CLNK: variants seen among roughly 807,000 people sequenced by gnomAD.
CLNK encodes cytokine-dependent hematopoietic cell linker.
In CLNK, 74 loss-of-function variants were observed where a neutral mutation model predicts 68.6. The ratio of observed to expected loss-of-function variants is 1.08; its 90% confidence interval spans 0.89 to 1.31. The LOEUF (loss-of-function observed/expected upper bound fraction) is 1.31. Ranked by LOEUF, CLNK falls within the 50% of genes most tolerant of loss-of-function variation. CLNK has a pLI of 0.00. For synonymous variants in CLNK, 198 were observed against 172.2 expected (o/e 1.15, Z -1.17); for missense variants, 553 against 515.3 (o/e 1.07, Z -0.71).
At chr4:10,722,838 T>C in the CLNK span, among the ~76,000 whole-genome samples, 1 of 152,080 alleles carries the variant, frequency 6.6e-6, no homozygotes, top group Non-Finnish European at 1.5e-5. Flanking sequence ...TCACCTAAGG[T>C]CAGGAGTTCG....
At chr4:10,668,915 A>G (rs766786400) in intron 1 of CLNK, among the ~76,000 whole-genome samples, 9 of 152,178 alleles carry the variant, frequency 5.9e-5, no homozygotes, top group African/African-American at 9.7e-5. Context: ...TTTTATATCT[A>G]TCAGCTTCCC....
chr4:10,734,527 C>A, the CLNK span, among the ~76,000 whole-genome samples: 1 of 152,156 alleles, frequency 6.6e-6, no homozygotes, highest in African/African-American at 2.4e-5. Flanking sequence ...AACAGACTCA[C>A]CATTGAAGAC....
chr4:10,491,672 A>C (rs541485955), intron 18 of CLNK, among the ~76,000 whole-genome samples: 1 of 152,350 alleles, frequency 6.6e-6, no homozygotes, highest in Non-Finnish European at 1.5e-5. Flanking sequence ...GGGTCATTCC[A>C]GATAAGTAGA....
the CLNK span, among the ~76,000 whole-genome samples, chr4:10,702,406 C>T: frequency 1.3e-5 from 2 of 152,038 alleles, no homozygotes; most frequent in East Asian, 3.9e-4. Flanking sequence ...CACCTAAGAT[C>T]AAGCAGGGAG....
At chr4:10,531,142 G>T (rs1418940433) in intron 12 of CLNK, among the ~76,000 whole-genome samples, 1 of 152,176 alleles carries the variant, frequency 6.6e-6, no homozygotes. Flanking sequence ...ACAAAGACAA[G>T]AACAAAATTC....
the CLNK span, among the ~76,000 whole-genome samples, chr4:10,728,341 A>G: frequency 6.6e-6 from 1 of 152,026 alleles, no homozygotes; most frequent in Non-Finnish European, 1.5e-5. Context: ...CCATTGTTCT[A>G]TTGTGAAGAA....
chr4:10,552,758 G>A (rs943134038), intron 8 of CLNK, among the ~76,000 whole-genome samples: 3 of 152,212 alleles, frequency 2.0e-5, no homozygotes, highest in South Asian at 2.1e-4. Flanking sequence ...ACGTGGTGTG[G>A]CCAGCCTCGT....
rs568346807 is a variant in CLNK at position 10,530,144 on chromosome 4, C to T, written c.631-2050G>A. Reference sequence around the variant, plus strand: ...TTTTTTTTAAGGCAGAGAGACACGGCGGTGGGGAAGACACCTAGACTTCGG... The same window carrying T: ...TTTTTTTTAAGGCAGAGAGACACGGTGGTGGGGAAGACACCTAGACTTCGG... On this transcript the variant is annotated intron_variant, in intron 12 of 18. Transcript: ENST00000226951. 8.5e-5 allele frequency among the ~76,000 whole-genome samples: 13 copies of T among 152,054 alleles called. No homozygotes were observed. The East Asian group carries it at 2.3e-3, about 27-fold the overall frequency.
At chr4:10,597,626 G>A (rs1044294408) in intron 3 of CLNK, among the ~76,000 whole-genome samples, 4 of 152,126 alleles carry the variant, frequency 2.6e-5, no homozygotes, top group East Asian at 1.9e-4. Flanking sequence ...AGGTAAACTC[G>A]TGGCTGGATC....
intron 2 of CLNK, among the ~76,000 whole-genome samples, chr4:10,611,011 C>A (rs1721994409): frequency 6.6e-6 from 1 of 152,050 alleles, no homozygotes; most frequent in African/African-American, 2.4e-5. Flanking sequence ...TGGTGAAACC[C>A]CATCTCTACT....
upstream of CLNK, among the ~76,000 whole-genome samples, chr4:10,688,491 T>C (rs1725348032): frequency 6.6e-6 from 1 of 152,180 alleles, no homozygotes; most frequent in Non-Finnish European, 1.5e-5. Flanking sequence ...GGTTCTTGCA[T>C]GGCCTGCTGG....
intron 2 of CLNK, among the ~76,000 whole-genome samples, chr4:10,606,250 C>T (rs547626355): frequency 2.0e-5 from 3 of 152,204 alleles, no homozygotes; most frequent in African/African-American, 7.2e-5. Flanking sequence ...TAACACACAC[C>T]TTAGCCTAGG....
chr4:10,603,044 C>T (rs995693020), intron 2 of CLNK, among the ~76,000 whole-genome samples: 1 of 152,190 alleles, frequency 6.6e-6, no homozygotes. Context: ...CAGAGAGATG[C>T]TCCCGGCTAC....
intron 7 of CLNK, among the ~76,000 whole-genome samples, chr4:10,561,792 C>T (rs1241542505): frequency 6.6e-6 from 1 of 152,154 alleles, no homozygotes; most frequent in Non-Finnish European, 1.5e-5. Flanking sequence ...ATTTTGAAGG[C>T]CAGACCGAGA....
At chr4:10,702,812 T>G in the CLNK span, among the ~76,000 whole-genome samples, 1 of 152,244 alleles carries the variant, frequency 6.6e-6, no homozygotes, top group East Asian at 1.9e-4. Flanking sequence ...AAGTGCTTAT[T>G]AAACAAGTAA....
At chr4:10,583,627 GC>G (rs1424732244) in intron 4 of CLNK, among the ~76,000 whole-genome samples, 2 of 152,166 alleles carry the variant, frequency 1.3e-5, no homozygotes, top group African/African-American at 4.8e-5. Context: ...ATAATTTGCT[GC>G]TAAGTGTTTC....
intron 3 of CLNK, among the ~76,000 whole-genome samples, chr4:10,590,364 C>T (rs536739466): frequency 6.6e-6 from 1 of 152,274 alleles, no homozygotes; most frequent in Admixed American, 6.5e-5. Flanking sequence ...TTCTACTTAT[C>T]CATGGGAACA....
chr4:10,565,891 T>C (rs536998567), intron 6 of CLNK, 118 bp downstream of exon 6: 5 of 1,068,964 alleles, frequency 4.7e-6, no homozygotes, highest in African/African-American at 1.6e-5. Context: ...AGCTAGTAAG[T>C]CATGGGGGCA....
At chr4:10,562,715 T>G (rs1454715089) in intron 7 of CLNK, among the ~76,000 whole-genome samples, 5 of 152,236 alleles carry the variant, frequency 3.3e-5, no homozygotes, top group Non-Finnish European at 5.9e-5. Context: ...CAAGAATGTT[T>G]TAAGGATTAA....
Sources: allele counts gnomAD v4.1 joint callset (sites outside exome capture counted in the v4.1 genomes callset), GRCh38; gene constraint gnomAD v4.1.1; transcripts MANE v1.5; gene names NCBI Gene and HGNC (gene_info 2026-07-23, HGNC 2026-07-21).